The following PBX4 variants were observed in gnomAD, a reference collection of about 807,000 sequenced individuals.
PBX4 encodes the protein PBX homeobox 4.
Under a neutral mutation model 35.1 loss-of-function variants are expected in PBX4, and 26 were observed. The observed-to-expected ratio is 0.74, with a 90% CI of 0.54 to 1.03. The LOEUF (loss-of-function observed/expected upper bound fraction) is 1.03, where lower values mean the gene tolerates loss of function less well. PBX4 is among the 50% of genes least tolerant of loss of function. The probability of loss-of-function intolerance (pLI) is 0.00; values close to 1 mark genes in which losing one functional copy is unlikely to be tolerated. For synonymous variants in PBX4, 199 were observed against 204.2 expected, an observed-to-expected ratio of 0.97 and a Z score of 0.22; for missense variants, 448 against 504.3, an observed-to-expected ratio of 0.89 and a Z score of 1.07.
intron 2 of PBX4, among the ~76,000 whole-genome samples, chr19:19,583,678 G>A (rs1006368941): frequency 2.0e-5 from 3 of 151,818 alleles, no homozygotes; most frequent in Admixed American, 6.6e-5. Flanking sequence ...GGTCAGGCAC[G>A]GTAGCTCATG....
intron 1 of PBX4, among the ~76,000 whole-genome samples, chr19:19,606,141 T>A (rs972293049): frequency 3.3e-5 from 5 of 152,146 alleles, no homozygotes; most frequent in African/African-American, 1.2e-4. Context: ...TATATAATCC[T>A]TTTTCCTTGA....
At chr19:19,601,149 T>C (rs2061595075) in intron 1 of PBX4, among the ~76,000 whole-genome samples, 1 of 152,150 alleles carries the variant, frequency 6.6e-6, no homozygotes. Flanking sequence ...ATGACAGTGA[T>C]GGTTAGAAGG....
chr19:19,610,533 T>C (rs2144791169), intron 1 of PBX4, among the ~76,000 whole-genome samples: 1 of 151,394 alleles, frequency 6.6e-6, no homozygotes, highest in South Asian at 2.1e-4. Flanking sequence ...GGATAATCAT[T>C]TGAGGTCAGG....
At chr19:19,596,726 C>T (rs560599089) in intron 2 of PBX4, among the ~76,000 whole-genome samples, 2 of 152,204 alleles carry the variant, frequency 1.3e-5, no homozygotes, top group Admixed American at 1.3e-4. Flanking sequence ...TGAGACCAGC[C>T]TGGGCAACAT....
chr19:19,589,378 G>A (rs750596682), intron 2 of PBX4, among the ~76,000 whole-genome samples: 14 of 151,690 alleles, frequency 9.2e-5, no homozygotes, highest in Non-Finnish European at 2.1e-4. Flanking sequence ...AGCTTGCAGC[G>A]AGCCGAGATT....
At chr19:19,599,179 G>T (rs1236098310) in intron 2 of PBX4, 113 bp downstream of exon 2, 1 of 847,614 alleles carries the variant, frequency 1.2e-6, no homozygotes, top group African/African-American at 1.7e-5. Flanking sequence ...ATGTTGGTCA[G>T]GCTGGTCTGG....
At chr19:19,582,288 C>A (rs796744250) in intron 2 of PBX4, among the ~76,000 whole-genome samples, 7 of 152,332 alleles carry the variant, frequency 4.6e-5, no homozygotes, top group African/African-American at 1.7e-4. Context: ...TAAGTGAGAA[C>A]AAGCATTTCT....
chr19:19,597,139 G>C (rs902739405), intron 2 of PBX4, among the ~76,000 whole-genome samples: 2 of 152,024 alleles, frequency 1.3e-5, no homozygotes, highest in Admixed American at 1.3e-4. Flanking sequence ...CTTGAACCTG[G>C]AAGGCGGAGA....
At position 19,597,719 on chromosome 19, in the gene PBX4, A is replaced by G. The variant is rs1402823250; in HGVS notation, c.193+1573T>C. Among the ~76,000 whole-genome samples the G allele has an allele frequency of 2.0e-5, 3 of 152,200 alleles. 1 individual carries two copies. The highest frequency in any genetic ancestry group is 7.2e-5 in the African/African-American group (3 of 41,452). ...AGAGACCAACTCACTCTAAGAAATC[A>G]AGTGACACGTTGTGCAGATGACCCT... On this transcript the variant is annotated intron_variant, in intron 2 of 7. Transcript: ENST00000251203.
Position 19,594,632 on chromosome 19 carries a change from C to G in PBX4, c.193+4660G>C, listed in dbSNP as rs528583408. Among the ~76,000 whole-genome samples the G allele has an allele frequency of 4.6e-5, 7 of 152,242 alleles. No homozygotes were observed. In the East Asian group the frequency reaches 1.4e-3, roughly 29 times the overall value. On this transcript the variant is annotated intron_variant, in intron 2 of 7. Transcript: ENST00000251203. ...GAAGAGGCGTGCCCAGGCTGAACAC[C>G]CACACTCTCAAAAATTGGTTTCTCG...
At chr19:19,606,621 G>GA (rs2061632921) in intron 1 of PBX4, 1 of 152,262 alleles carries the variant, frequency 6.6e-6, no homozygotes, top group Admixed American at 6.5e-5. Context: ...AGATAGACTG[G>GA]AAGCCAGAGA....
At chr19:19,564,671 G>T (rs1468338788) in intron 6 of PBX4, 4 of 434,428 alleles carry the variant, frequency 9.2e-6, no homozygotes, top group Non-Finnish European at 1.7e-5. Context: ...AAAATGCTGG[G>T]ATTACAGGTG....
intron 2 of PBX4, among the ~76,000 whole-genome samples, chr19:19,583,107 C>T (rs965127466): frequency 6.6e-6 from 1 of 152,050 alleles, no homozygotes; most frequent in Admixed American, 6.6e-5. Flanking sequence ...CACCTGAGGT[C>T]AGGAGTTCAA....
rs577696778 is a variant in PBX4, at chr19:19,600,388, T to C, written c.120-1023A>G. ...CAAAAATTTAAAAATTAGCTGGGCA[T>C]GGTGGTATGCCTGTAGTCCCAATCC... On this transcript the variant is annotated intron_variant, in intron 1 of 7. Transcript: ENST00000251203. Among the ~76,000 whole-genome samples, 36 of 151,164 alleles carry C rather than the reference T, an allele frequency of 2.4e-4. 1 individual carries two copies. Among genetic ancestry groups the C allele is most frequent in the Non-Finnish European group, 4.3e-4 (29 of 67,842 alleles).
rs76570151 is a variant in PBX4, at chr19:19,611,041, T to C, written c.119+7470A>G. On this transcript the variant is annotated intron_variant, in intron 1 of 7. Coordinates refer to ENST00000251203, the MANE Select transcript of PBX4 (RefSeq NM_025245.3). ...TAAATTCCCCCTAGAACCCTTGCAT[T>C]CTTTGAATGGGTGTGCGGAAGGCTG... Among the ~76,000 whole-genome samples the C allele has an allele frequency of 5.7e-3, 873 of 152,316 alleles. 7 individuals are homozygous for C. The highest frequency in any genetic ancestry group is 0.014 in the South Asian group (69 of 4,822).
chr19:19,591,580 G>A (rs554457449), intron 2 of PBX4, among the ~76,000 whole-genome samples: 1 of 152,370 alleles, frequency 6.6e-6, no homozygotes, highest in East Asian at 1.9e-4. Context: ...GGGTGGAGAA[G>A]GCAAAGCAGG....
chr19:19,601,867 G>A (rs972591216), intron 1 of PBX4, among the ~76,000 whole-genome samples: 6 of 152,106 alleles, frequency 3.9e-5, no homozygotes, highest in African/African-American at 7.2e-5. Flanking sequence ...ATGTAAAATC[G>A]GTGGCTCATG....
intron 1 of PBX4, among the ~76,000 whole-genome samples, chr19:19,615,752 A>G (rs1447438201): frequency 1.3e-5 from 2 of 152,072 alleles, no homozygotes; most frequent in Non-Finnish European, 1.5e-5. Context: ...CTAGCCACGC[A>G]TGGGGCGTAT....
chr19:19,570,468 C>T (rs1414200994), intron 3 of PBX4, 118 bp downstream of exon 3: 18 of 1,493,700 alleles, frequency 1.2e-5, no homozygotes, highest in East Asian at 6.8e-5. Context: ...ACCTCTGCAG[C>T]GACCAACTGC....
Sources: allele counts gnomAD v4.1 joint callset (sites outside exome capture counted in the v4.1 genomes callset), GRCh38; gene constraint gnomAD v4.1.1; transcripts MANE v1.5; gene names NCBI Gene and HGNC (gene_info 2026-07-23, HGNC 2026-07-21).